FOXP2: variants seen among roughly 807,000 people sequenced by gnomAD.
The protein encoded by FOXP2 is forkhead box P2, also known as forkhead box protein P2.
In FOXP2, 12 loss-of-function variants were observed where a neutral mutation model predicts 115.8. That is an observed-to-expected ratio of 0.10 (90% CI 0.07 to 0.17). FOXP2 has a LOEUF of 0.17. Ranked by LOEUF, FOXP2 falls within the 10% of genes least tolerant of loss-of-function variation. FOXP2 has a pLI of 1.00. For synonymous variants in FOXP2, 328 were observed against 297.7 expected, an observed-to-expected ratio of 1.10 and a Z score of -1.05; for missense variants, 629 against 843.5, an observed-to-expected ratio of 0.75 and a Z score of 3.15.
chr7:114,432,295 C>T (rs1424228197), intron 2 of FOXP2, among the ~76,000 whole-genome samples: 1 of 151,960 alleles, frequency 6.6e-6, no homozygotes, highest in East Asian at 1.9e-4. Context: ...ATGCTGTTGT[C>T]TTTACAACAT....
At chr7:114,673,485 A>G (rs553370604) in intron 16 of FOXP2, among the ~76,000 whole-genome samples, 1 of 152,352 alleles carries the variant, frequency 6.6e-6, no homozygotes, top group African/African-American at 2.4e-5. Flanking sequence ...TTGACTCTAC[A>G]GCAAAACTAT....
At chr7:114,529,245 C>T (rs1248577903) in intron 2 of FOXP2, among the ~76,000 whole-genome samples, 2 of 151,824 alleles carry the variant, frequency 1.3e-5, no homozygotes, top group Non-Finnish European at 2.9e-5. Context: ...TGTTAACTCA[C>T]AGGCTTATTT....
Position 114,137,860 on chromosome 7 carries a change from TTCCTTG to T in FOXP2, c.-246-25079_-246-25074del, listed in dbSNP as rs531768906. The stretch of plus-strand genomic sequence containing the variant: ...TAGGGGTTAGTATACATACATGTAT[TTCCTTG>T]TCCTGCCAACTGAGAGGGCCTAGAA... On this transcript the variant is annotated intron_variant, in intron 1 of 19. Coordinates refer to the FOXP2 transcript ENST00000635638. Among the ~76,000 whole-genome samples the T allele has an allele frequency of 1.8e-4, 28 of 152,208 alleles. 1 individual carries two copies. The South Asian group carries it at 5.8e-3, about 32-fold the overall frequency.
Position 114,692,191 on chromosome 7 carries a change from G to T in FOXP2, c.*2265G>T, listed in dbSNP as rs12705977. 0.37 allele frequency: 167,067 copies of T among 453,648 alleles called. 33,919 individuals are homozygous for T. The highest frequency in any genetic ancestry group is 0.46 in the Non-Finnish European group (103,139 of 226,630). 28.1% of individuals were successfully genotyped at this position (453,648 alleles called of 1,614,324 possible). Reference sequence around the variant, plus strand: ...CAGGTGCATGTTCAAAAGGCTTTGAGGGACTGGAAGTAACTGCGAGAGTTG... The same window carrying T: ...CAGGTGCATGTTCAAAAGGCTTTGATGGACTGGAAGTAACTGCGAGAGTTG... On this transcript the variant is annotated 3_prime_UTR_variant, in exon 17 of 17. Coordinates refer to ENST00000350908, the MANE Select transcript of FOXP2 (RefSeq NM_014491.4).
chr7:114,361,634 C>A (rs547644043), intron 2 of FOXP2, among the ~76,000 whole-genome samples: 2 of 152,134 alleles, frequency 1.3e-5, no homozygotes, highest in South Asian at 4.1e-4. Flanking sequence ...TTTTATATAG[C>A]AATTAGTGTG....
chr7:114,219,588 A>G (rs1794567013), intron 1 of FOXP2, among the ~76,000 whole-genome samples: 1 of 152,218 alleles, frequency 6.6e-6, no homozygotes, highest in Non-Finnish European at 1.5e-5. Context: ...TTTTGTGAAT[A>G]TAGTTTTAAA....
chr7:114,260,826 A>G (rs1000728238), intron 1 of FOXP2, among the ~76,000 whole-genome samples: 1 of 152,164 alleles, frequency 6.6e-6, no homozygotes, highest in African/African-American at 2.4e-5. Context: ...CTGCACAGGT[A>G]AGTGTATGTA....
chr7:114,225,925 C>T (rs1794735548), intron 1 of FOXP2, among the ~76,000 whole-genome samples: 1 of 152,106 alleles, frequency 6.6e-6, no homozygotes, highest in Non-Finnish European at 1.5e-5. Context: ...ATTTTTCCCA[C>T]CCCACTTGTA....
intron 11 of FOXP2, 89 bp downstream of exon 11, chr7:114,658,356 A>C: frequency 7.9e-7 from 1 of 1,263,264 alleles, no homozygotes; most frequent in Non-Finnish European, 1.1e-6. Flanking sequence ...TCCAGAGCAC[A>C]TGGAAACTCA....
At chr7:114,509,781 A>G in intron 2 of FOXP2, among the ~76,000 whole-genome samples, 1 of 152,042 alleles carries the variant, frequency 6.6e-6, no homozygotes, top group Admixed American at 6.6e-5. Context: ...CAGGGAGTTC[A>G]TGGGAGACAT....
intron 16 of FOXP2, among the ~76,000 whole-genome samples, chr7:114,677,683 A>G (rs576753101): frequency 6.6e-6 from 1 of 152,298 alleles, no homozygotes; most frequent in South Asian, 2.1e-4. Context: ...AGCAACACAT[A>G]TCTTTAGGCA....
chr7:114,261,888 G>C (rs1178465991), intron 1 of FOXP2, among the ~76,000 whole-genome samples: 1 of 151,618 alleles, frequency 6.6e-6, no homozygotes, highest in African/African-American at 2.4e-5. Context: ...GTGCAAGCCT[G>C]CCTCTATAAA....
At chr7:114,550,493 T>G (rs1330806258) in intron 3 of FOXP2, among the ~76,000 whole-genome samples, 1 of 152,210 alleles carries the variant, frequency 6.6e-6, no homozygotes, top group Admixed American at 6.5e-5. Context: ...TTTCTTTCTT[T>G]CATTGCACAA....
At chr7:114,604,070 A>G (rs1036563032) in intron 3 of FOXP2, among the ~76,000 whole-genome samples, 1 of 152,178 alleles carries the variant, frequency 6.6e-6, no homozygotes, top group Non-Finnish European at 1.5e-5. Context: ...TTAACAAATT[A>G]CCATAACGTG....
intron 3 of FOXP2, chr7:114,560,882 TA>T (rs1251981292): frequency 6.6e-6 from 1 of 152,160 alleles, no homozygotes; most frequent in Admixed American, 6.5e-5. Flanking sequence ...CAGAGATCTT[TA>T]AAAAATAATA....
chr7:114,544,829 A>C (rs1799838037), intron 3 of FOXP2, among the ~76,000 whole-genome samples: 1 of 152,222 alleles, frequency 6.6e-6, no homozygotes, highest in African/African-American at 2.4e-5. Flanking sequence ...ATAGTTTCTC[A>C]AAATCATGGC....
intron 2 of FOXP2, among the ~76,000 whole-genome samples, chr7:114,500,050 C>T (rs917379377): frequency 6.6e-6 from 1 of 151,796 alleles, no homozygotes; most frequent in African/African-American, 2.4e-5. Context: ...CCCGTCTCCA[C>T]TAAAAATACA....
intron 2 of FOXP2, among the ~76,000 whole-genome samples, chr7:114,465,444 T>C (rs921125319): frequency 6.6e-6 from 1 of 152,178 alleles, no homozygotes; most frequent in Non-Finnish European, 1.5e-5. Context: ...TAGAAACTTA[T>C]TAGAGTGATT....
rs974689139 is a variant in FOXP2, at chr7:114,415,158, G to A, written c.-213G>A. The A allele has an allele frequency of 6.4e-5, 29 of 454,204 alleles. No individual in the cohort carries two copies. The highest frequency in any genetic ancestry group is 5.0e-4 in the African/African-American group (25 of 49,978). The allele number at this position is 454,204 out of a possible 1,614,324, so 28.1% of individuals were successfully genotyped here. ...TGCCATCAGTCTGGGACGTGATCGG[G>A]CAGAGGTGTACTCACAGTAGTGTAA... On this transcript the variant is annotated 5_prime_UTR_variant, in exon 1 of 17. Coordinates refer to ENST00000350908, the MANE Select transcript of FOXP2 (RefSeq NM_014491.4).
Sources: gnomAD v4.1 joint callset for allele counts (sites outside exome capture counted in the v4.1 genomes callset) on GRCh38, gnomAD v4.1.1 for gene constraint, MANE v1.5 for transcripts, NCBI Gene and HGNC (gene_info 2026-07-23, HGNC 2026-07-21) for gene names.